The following SV2B variants were observed in gnomAD, a reference collection of about 807,000 sequenced individuals.
The protein encoded by SV2B is synaptic vesicle glycoprotein 2B, also known as solute carrier family 22 member B2.
SV2B carries 41 observed loss-of-function variants against 73.9 expected under a neutral mutation model. The ratio of observed to expected loss-of-function variants is 0.56; its 90% CI spans 0.43 to 0.72. The LOEUF (loss-of-function observed/expected upper bound fraction) is 0.72, where lower values mean the gene tolerates loss of function less well. Among genes scored for constraint, SV2B ranks in the 30% least tolerant of loss-of-function variants. The probability of loss-of-function intolerance (pLI) is 0.00; values close to 1 mark genes in which losing one functional copy is unlikely to be tolerated. For synonymous variants in SV2B, 314 were observed against 314.2 expected, an observed-to-expected ratio of 1.00 and a Z score of 0.01; for missense variants, 764 against 857.8, an observed-to-expected ratio of 0.89 and a Z score of 1.37.
intron 6 of SV2B, among the ~76,000 whole-genome samples, chr15:91,264,453 G>C (rs1049829974): frequency 6.6e-6 from 1 of 152,208 alleles, no homozygotes; most frequent in African/African-American, 2.4e-5. Flanking sequence ...GAAAGCATTT[G>C]CTGGGTTAGA....
At position 91,149,411 on chromosome 15, in the gene SV2B, G is replaced by A. The variant is rs140306544; in HGVS notation, c.-392+49048G>A. ...GCTTCTTGATCTTTTAAAAAATTAA[G>A]AGCTGGTGATTGATTCTAAGTCTCA... On this transcript the variant is annotated intron_variant, in intron 1 of 12. Coordinates refer to ENST00000394232, the MANE Select transcript of SV2B (RefSeq NM_001323032.3). Among the ~76,000 whole-genome samples, 721 of 152,330 alleles carry A rather than the reference G, an allele frequency of 4.7e-3. 4 individuals carry two copies. Among genetic ancestry groups the A allele is most frequent in the African/African-American group, 0.016 (685 of 41,574 alleles).
chr15:91,274,479 CA>C (rs1191568918), intron 9 of SV2B, among the ~76,000 whole-genome samples: 7 of 152,286 alleles, frequency 4.6e-5, no homozygotes, highest in Middle Eastern at 6.8e-3. Context: ...ATGACCAATT[CA>C]TTTTGTAATG....
At position 91,130,166 on chromosome 15, in the gene SV2B, G is replaced by A. The variant is rs1440438195; in HGVS notation, c.-392+29803G>A. On this transcript the variant is annotated intron_variant, in intron 1 of 12. Coordinates refer to ENST00000394232, the MANE Select transcript of SV2B (RefSeq NM_001323032.3). The surrounding 1 kb of genome is among the most constrained non-coding windows in gnomAD (Gnocchi z 5.6). ...TGATTCTTAATGCTGAGATGAAACG[G>A]CTAGGACTTGGCAAGTCTAGGAAGT... Among the ~76,000 whole-genome samples, 1 of 152,046 alleles carries A rather than the reference G, an allele frequency of 6.6e-6. No homozygotes were observed. Among genetic ancestry groups the A allele is most frequent in the Non-Finnish European group, 1.5e-5 (1 of 68,038 alleles).
rs1359345555 is a variant in SV2B at position 91,267,678 on chromosome 15, T to G, written c.1208+35T>G. 6.7e-7 allele frequency: 1 copy of G among 1,501,300 alleles called. No individual in the cohort carries two copies. Among genetic ancestry groups the G allele is most frequent in the South Asian group, 1.2e-5 (1 of 85,648 alleles). 93.0% of individuals were successfully genotyped at this position (1,501,300 alleles called of 1,614,324 possible). The stretch of plus-strand genomic sequence containing the variant: ...GTCTTACTTAAATTTCGTAATTCCC[T>G]GTGCCTCAGTGGCCTCCTTTACACA... On this transcript the variant is annotated intron_variant, in intron 8 of 12. Coordinates refer to ENST00000394232, the MANE Select transcript of SV2B (RefSeq NM_001323032.3). The surrounding 1 kb of genome is among the most constrained non-coding windows in gnomAD (Gnocchi z 4.3).
At position 91,197,990 on chromosome 15, in the gene SV2B, G is replaced by A. The variant is rs2045313088; in HGVS notation, c.-391-27883G>A. On this transcript the variant is annotated intron_variant, in intron 1 of 12. Transcript: ENST00000394232. This position sits in a 1 kb window ranked among gnomAD's most constrained non-coding sequence, Gnocchi z 4.9. ...CTGGAGGTTACAGTGAACCGAGATC[G>A]TGCCATTACACTACAGCCTGGGCAA... 6.6e-6 allele frequency among the ~76,000 whole-genome samples: 1 copy of A among 152,128 alleles called. No homozygotes were observed. Among genetic ancestry groups the A allele is most frequent in the Non-Finnish European group, 1.5e-5 (1 of 68,028 alleles).
intron 1 of SV2B, among the ~76,000 whole-genome samples, chr15:91,189,821 T>C (rs2044933758): frequency 6.6e-6 from 1 of 152,168 alleles, no homozygotes; most frequent in South Asian, 2.1e-4. Flanking sequence ...ACACTATCTC[T>C]ACTAAAAATA....
chr15:91,219,994 C>T (rs1174022056), intron 1 of SV2B, among the ~76,000 whole-genome samples: 1 of 152,200 alleles, frequency 6.6e-6, no homozygotes, highest in Non-Finnish European at 1.5e-5. Context: ...CATTGCACTG[C>T]ACTTGGTTTA....
At chr15:91,263,981 G>A (rs953691981) in intron 6 of SV2B, among the ~76,000 whole-genome samples, 1 of 152,250 alleles carries the variant, frequency 6.6e-6, no homozygotes, top group East Asian at 1.9e-4. Flanking sequence ...GCCTCGAGCA[G>A]TTATTAACAG....
Position 91,298,026 on chromosome 15 carries a change from A to G in SV2B, c.*5474A>G, listed in dbSNP as rs368248359. The G allele has an allele frequency of 2.0e-5, 3 of 152,194 alleles. No individual in the cohort carries two copies. Among genetic ancestry groups the G allele is most frequent in the East Asian group, 3.9e-4 (2 of 5,180 alleles). 9.4% of individuals were successfully genotyped at this position (152,194 alleles called of 1,614,324 possible). A position where few individuals can be genotyped will look rare whatever the true frequency, so the allele number is the denominator to read the frequency against. Reference sequence around the variant, plus strand: ...CCTTATGATGGACCTCTGATTCTATAAGCTTCCCCCTAGCTAGGGATGCAC... The same window carrying G: ...CCTTATGATGGACCTCTGATTCTATGAGCTTCCCCCTAGCTAGGGATGCAC... On this transcript the variant is annotated 3_prime_UTR_variant, in exon 13 of 13. Coordinates refer to ENST00000394232, the MANE Select transcript of SV2B (RefSeq NM_001323032.3). This position sits in a 1 kb window ranked among gnomAD's most constrained non-coding sequence, Gnocchi z 5.4.
rs114683797 is a variant in SV2B, at chr15:91,154,749, T to C, written c.-392+54386T>C. Among the ~76,000 whole-genome samples the C allele has an allele frequency of 7.7e-3, 1,175 of 152,184 alleles. 16 individuals are homozygous for C. Among genetic ancestry groups the C allele is most frequent in the African/African-American group, 0.027 (1,136 of 41,540 alleles). ...ATTGGAGCAATGAAGCTGCAAGGTA[T>C]GGGCTGTCCACAGGAAGAGGCAAGG... On this transcript the variant is annotated intron_variant, in intron 1 of 12. Transcript: ENST00000394232.
intron 1 of SV2B, among the ~76,000 whole-genome samples, chr15:91,225,037 C>G (rs1329422169): frequency 2.0e-5 from 3 of 152,204 alleles, no homozygotes; most frequent in African/African-American, 7.2e-5. Flanking sequence ...CCGTGCAGAC[C>G]AGGCACGATT....
chr15:91,282,508 T>G (rs2048714993), intron 10 of SV2B, among the ~76,000 whole-genome samples: 1 of 152,200 alleles, frequency 6.6e-6, no homozygotes, highest in Non-Finnish European at 1.5e-5. Flanking sequence ...ATTAGGGGGC[T>G]TTACCTACAT....
intron 1 of SV2B, among the ~76,000 whole-genome samples, chr15:91,222,225 C>G (rs1462564803): frequency 1.3e-5 from 2 of 152,170 alleles, no homozygotes; most frequent in Admixed American, 1.3e-4. Flanking sequence ...TGTCGTCTAT[C>G]TAAGTTCTTC....
At position 91,139,491 on chromosome 15, in the gene SV2B, G is replaced by A. The variant is rs2042939390; in HGVS notation, c.-392+39128G>A. ...GGAGGCAGGGAGAGGTGTACAAGTA[G>A]CACCCAGAACAGAAAAGCAGGGTGA... is the stretch of plus-strand genomic sequence containing the variant. On this transcript the variant is annotated intron_variant, in intron 1 of 12. Coordinates refer to ENST00000394232, the MANE Select transcript of SV2B (RefSeq NM_001323032.3). This position sits in a 1 kb window ranked among gnomAD's most constrained non-coding sequence, Gnocchi z 5.2. Among the ~76,000 whole-genome samples the A allele has an allele frequency of 6.6e-6, 1 of 152,144 alleles. No individual in the cohort carries two copies.
chr15:91,103,286 C>T (rs539326678), intron 1 of SV2B, among the ~76,000 whole-genome samples: 3 of 152,274 alleles, frequency 2.0e-5, no homozygotes, highest in South Asian at 4.1e-4. Context: ...TTCTCCCATC[C>T]GGATGGAGGA....
At chr15:91,179,181 G>A (rs1271157990) in intron 1 of SV2B, among the ~76,000 whole-genome samples, 1 of 152,100 alleles carries the variant, frequency 6.6e-6, no homozygotes. Flanking sequence ...AGATTGTTCA[G>A]TTTCCATGTA....
In SV2B at chr15:91,258,227, TG is replaced by T. The variant is rs1418479407; in HGVS notation, c.785-193del. Among the ~76,000 whole-genome samples the T allele has an allele frequency of 1.3e-5, 2 of 152,236 alleles. No individual in the cohort carries two copies. Among genetic ancestry groups the T allele is most frequent in the African/African-American group, 2.4e-5 (1 of 41,462 alleles). On this transcript the variant is annotated intron_variant, in intron 4 of 12. Coordinates refer to ENST00000394232, the MANE Select transcript of SV2B (RefSeq NM_001323032.3). The surrounding 1 kb of genome is among the most constrained non-coding windows in gnomAD (Gnocchi z 4.7). ...TGTGAGAAATATCATTTTGCAGATT[TG>T]TCAAGATGCAGCTCCTATCCCAGGC...
At chr15:91,104,789 T>C (rs1247160861) in intron 1 of SV2B, among the ~76,000 whole-genome samples, 4 of 152,162 alleles carry the variant, frequency 2.6e-5, no homozygotes, top group Non-Finnish European at 5.9e-5. Context: ...TGCACCACCA[T>C]GCCCGGCTAA....
chr15:91,125,394 T>C (rs1315309467), intron 1 of SV2B, among the ~76,000 whole-genome samples: 2 of 152,136 alleles, frequency 1.3e-5, no homozygotes, highest in Non-Finnish European at 2.9e-5. Context: ...GAAAAGACTT[T>C]ATAAATCATC....
Sources: allele counts gnomAD v4.1 joint callset (sites outside exome capture counted in the v4.1 genomes callset), GRCh38; gene constraint gnomAD v4.1.1; non-coding constraint Gnocchi (gnomAD v3.1); transcripts MANE v1.5; gene names NCBI Gene and HGNC (gene_info 2026-07-23, HGNC 2026-07-21).